The following RXFP2 variants were observed in gnomAD, a reference collection of about 807,000 sequenced individuals.
RXFP2 encodes relaxin family peptide receptor 2.
RXFP2 carries 68 observed loss-of-function variants against 88.6 expected under a neutral mutation model. The ratio of observed to expected loss-of-function variants is 0.77; its 90% CI spans 0.63 to 0.94. RXFP2 has a LOEUF of 0.94. Ranked by LOEUF, RXFP2 falls within the 40% of genes least tolerant of loss-of-function variation. The probability of loss-of-function intolerance (pLI) is 0.00; values close to 1 mark genes in which losing one functional copy is unlikely to be tolerated. For missense variants in RXFP2, 791 were observed against 893.9 expected, an observed-to-expected ratio of 0.88 and a Z score of 1.47; for synonymous variants, 329 against 306.8, an observed-to-expected ratio of 1.07 and a Z score of -0.76.
At chr13:31,767,248 A>G (rs2138419094) in intron 5 of RXFP2, among the ~76,000 whole-genome samples, 1 of 152,220 alleles carries the variant, frequency 6.6e-6, no homozygotes, top group East Asian at 1.9e-4. Context: ...GTGAACATCA[A>G]TACTCAATCA....
chr13:31,748,669 A>C (rs1275822693), intron 1 of RXFP2, among the ~76,000 whole-genome samples: 1 of 151,936 alleles, frequency 6.6e-6, no homozygotes. Context: ...TTGTCTTTGC[A>C]CTCTCTTAAT....
Position 31,802,373 on chromosome 13 carries a change from C to G in RXFP2, c.2233C>G (p.Leu745Val). 2 of 1,614,036 alleles carry G rather than the reference C, an allele frequency of 1.2e-6. No homozygotes were observed. The highest frequency in any genetic ancestry group is 1.7e-6 in the Non-Finnish European group (2 of 1,179,980). ...LKLGVLNKITLGDSIMKPVS is the reference protein window; with the variant it reads ...LKLGVLNKITVGDSIMKPVS ...ACTTGGGGTTTTGAACAAAATAACA[C>G]TTGGAGACAGTATAATGAAACCAGT... Residue 745 changes from leucine to valine, a missense_variant, in exon 18 of 18, where the codon CTT (leucine) becomes GTT (valine). By Grantham distance (32) the Leu-to-Val change is conservative. Coordinates refer to ENST00000298386, the MANE Select transcript of RXFP2 (RefSeq NM_130806.5).
intron 5 of RXFP2, among the ~76,000 whole-genome samples, chr13:31,772,799 G>A (rs188513592): frequency 6.6e-6 from 1 of 152,194 alleles, no homozygotes. Context: ...GATGAGTTGT[G>A]TGGATCACTG....
intron 9 of RXFP2, among the ~76,000 whole-genome samples, chr13:31,780,730 C>T (rs947215941): frequency 2.6e-5 from 4 of 152,138 alleles, no homozygotes; most frequent in Admixed American, 6.6e-5. Context: ...CAGAGTGTTC[C>T]GGAAGGCGCT....
Position 31,752,737 on chromosome 13 carries a change from G to A in RXFP2, c.95-5521G>A, listed in dbSNP as rs76612956. On this transcript the variant is annotated intron_variant, in intron 1 of 17. Coordinates refer to ENST00000298386, the MANE Select transcript of RXFP2 (RefSeq NM_130806.5). Reference sequence around the variant, plus strand: ...GGCAGGCTCTGGCCAGGTGCACTCCGCTGATGGAGCTACTTCTCCTTGGCT... The same window carrying A: ...GGCAGGCTCTGGCCAGGTGCACTCCACTGATGGAGCTACTTCTCCTTGGCT... Among the ~76,000 whole-genome samples the A allele has an allele frequency of 1.1e-3, 160 of 152,268 alleles. 1 individual carries two copies. Among genetic ancestry groups the A allele is most frequent in the Admixed American group, 1.9e-3 (29 of 15,302 alleles).
chr13:31,753,984 T>C (rs1180476855), intron 1 of RXFP2, among the ~76,000 whole-genome samples: 2 of 152,200 alleles, frequency 1.3e-5, no homozygotes, highest in African/African-American at 2.4e-5. Context: ...TTGAAATGTC[T>C]TCAGGAAGAT....
intron 13 of RXFP2, among the ~76,000 whole-genome samples, chr13:31,787,726 G>A (rs914902843): frequency 3.9e-5 from 6 of 152,152 alleles, no homozygotes; most frequent in Non-Finnish European, 7.4e-5. Context: ...TGCAACCTCC[G>A]CCTCCCGGCT....
At chr13:31,741,595 C>A (rs1871225930) in intron 1 of RXFP2, among the ~76,000 whole-genome samples, 1 of 152,070 alleles carries the variant, frequency 6.6e-6, no homozygotes, top group South Asian at 2.1e-4. Context: ...CAGATCTAAA[C>A]AAAACATAAA....
At chr13:31,740,744 T>C (rs1402758490) in intron 1 of RXFP2, among the ~76,000 whole-genome samples, 1 of 152,032 alleles carries the variant, frequency 6.6e-6, no homozygotes, top group Non-Finnish European at 1.5e-5. Context: ...TTAAAATCTA[T>C]ATCTCCATGC....
Position 31,761,735 on chromosome 13 carries a change from G to A in RXFP2, c.253G>A (p.Gly85Arg). ...ADEENCGDTS[G>R]WATIFGTVHG... ...TCACTATTTCACAGGTGACACTAGT[G>A]GATGGGCGACCATATTTGGCACAGT... Residue 85 changes from glycine to arginine, a missense_variant, in exon 3 of 18, where the codon GGA becomes AGA. Physicochemically the swap from Gly to Arg is moderately radical, Grantham distance 125. Coordinates refer to ENST00000298386, the MANE Select transcript of RXFP2 (RefSeq NM_130806.5). The A allele has an allele frequency of 6.2e-7, 1 of 1,611,392 alleles. No individual in the cohort carries two copies. The highest frequency in any genetic ancestry group is 8.5e-7 in the Non-Finnish European group (1 of 1,177,610).
At chr13:31,749,564 T>A (rs1871573666) in intron 1 of RXFP2, among the ~76,000 whole-genome samples, 1 of 152,212 alleles carries the variant, frequency 6.6e-6, no homozygotes, top group South Asian at 2.1e-4. Context: ...CTCCACTTAT[T>A]TATGTTTGTA....
chr13:31,751,535 A>C (rs1871673227), intron 1 of RXFP2, among the ~76,000 whole-genome samples: 1 of 152,192 alleles, frequency 6.6e-6, no homozygotes, highest in Non-Finnish European at 1.5e-5. Flanking sequence ...ACCCACGCTT[A>C]TGTGAGGTGG....
intron 16 of RXFP2, among the ~76,000 whole-genome samples, chr13:31,796,038 CTTTTTTTTTTTTTTT>C (rs776535132): frequency 1.1e-4 from 4 of 36,966 alleles, no homozygotes; most frequent in African/African-American, 4.9e-4. Context: ...ATGTGTTATT[CTTTTTTTTTTTTTTT>C]TTTTTTTTTT....
In RXFP2 at chr13:31,766,069, C is replaced by T. The variant is rs1157014008; in HGVS notation, c.497+42C>T. On this transcript the variant is annotated intron_variant, in intron 5 of 17. Transcript: ENST00000298386. ...AGCATATTTATTTAAAAAAAATCCT[C>T]GTGGTGGTGTAAGATGTTTTTGATC... is the stretch of plus-strand genomic sequence containing the variant. 7.4e-6 allele frequency: 7 copies of T among 949,992 alleles called. No homozygotes were observed. In the South Asian group the frequency reaches 8.1e-5, roughly 11 times the overall value. 58.8% of individuals were successfully genotyped at this position (949,992 alleles called of 1,614,324 possible).
Position 31,777,399 on chromosome 13 carries a change from C to T in RXFP2, c.665C>T (p.Thr222Ile). 6.2e-7 allele frequency: 1 copy of T among 1,611,794 alleles called. No individual in the cohort carries two copies. The highest frequency in any genetic ancestry group is 8.5e-7 in the Non-Finnish European group (1 of 1,178,388). The change falls in exon 8 of 18, where the codon ACC (threonine) becomes ATC (isoleucine). Residue 222 changes from threonine to isoleucine, a missense_variant. Transcript: ENST00000298386. ...AGAATTCTAGATGACAATCCAATAA[C>T]CAGAATTTCACAGCGCTTGTTTACG... ...TWLILDDNPI[T>I]RISQRLFTGL...
chr13:31,793,431 CTT>C lies in RXFP2; in HGVS notation c.1786+356_1786+357del, dbSNP rs35293680. On this transcript the variant is annotated intron_variant, in intron 16 of 17. Transcript: ENST00000298386. The stretch of plus-strand genomic sequence containing the variant: ...GTAAACCTACCAAGTTATTTAAACT[CTT>C]TTTTTTTTTTTTACAATCTAGTTAT... Among the ~76,000 whole-genome samples the C allele has an allele frequency of 1.3e-3, 194 of 144,552 alleles. 1 individual carries two copies. The highest frequency in any genetic ancestry group is 8.6e-3 in the South Asian group (39 of 4,546). The allele number at this position is 144,552 out of a possible 152,430, so 94.8% of individuals were successfully genotyped here.
At chr13:31,763,712 A>G (rs1872409555) in intron 3 of RXFP2, among the ~76,000 whole-genome samples, 1 of 152,142 alleles carries the variant, frequency 6.6e-6, no homozygotes, top group Non-Finnish European at 1.5e-5. Flanking sequence ...TGAACAGTTA[A>G]TGCTCACATT....
At chr13:31,787,008 A>T (rs1431917535) in intron 13 of RXFP2, among the ~76,000 whole-genome samples, 3 of 152,238 alleles carry the variant, frequency 2.0e-5, no homozygotes, top group Admixed American at 6.5e-5. Context: ...TCCTACAAGG[A>T]TCTACTTGAT....
intron 9 of RXFP2, among the ~76,000 whole-genome samples, chr13:31,780,277 G>A (rs569740554): frequency 6.6e-6 from 1 of 152,188 alleles, no homozygotes; most frequent in East Asian, 1.9e-4. Context: ...GGCCAGACAG[G>A]AAGAAAGGCC....
Sources: gnomAD v4.1 joint callset for allele counts (sites outside exome capture counted in the v4.1 genomes callset) on GRCh38, gnomAD v4.1.1 for gene constraint, MANE v1.5 for transcripts, NCBI Gene and HGNC (gene_info 2026-07-23, HGNC 2026-07-21) for gene names.